Variants in RAB7A observed in about 807,000 individuals in gnomAD.
The protein encoded by RAB7A is RAB7A, member RAS oncogene family.
Under a neutral mutation model 24.5 loss-of-function variants are expected in RAB7A, and 2 were observed. The ratio of observed to expected loss-of-function variants is 0.08; its 90% CI spans 0.03 to 0.26. The LOEUF is 0.26. RAB7A is among the 10% of genes least tolerant of loss of function. The probability of loss-of-function intolerance (pLI) is 1.00; values close to 1 mark genes in which losing one functional copy is unlikely to be tolerated. For missense variants in RAB7A, 118 were observed against 255.7 expected (o/e 0.46, Z 3.67); for synonymous variants, 100 against 95.9 (o/e 1.04, Z -0.25).
intron 5 of RAB7A, among the ~76,000 whole-genome samples, chr3:128,812,570 C>T (rs1231289068): frequency 6.6e-6 from 1 of 152,218 alleles, no homozygotes; most frequent in Non-Finnish European, 1.5e-5. Flanking sequence ...CACAAGTGCT[C>T]AGTGTTTAAG....
intron 1 of RAB7A, among the ~76,000 whole-genome samples, chr3:128,786,132 T>A (rs1933335348): frequency 6.6e-6 from 1 of 152,220 alleles, no homozygotes; most frequent in South Asian, 2.1e-4. Flanking sequence ...ATCTGTTAAA[T>A]GGGAATTCTC....
intron 1 of RAB7A, among the ~76,000 whole-genome samples, chr3:128,732,053 C>G (rs1178945883): frequency 7.2e-6 from 1 of 138,888 alleles, no homozygotes; most frequent in Non-Finnish European, 1.6e-5. Flanking sequence ...TTTTTTTTCT[C>G]TCTCTGAGAC....
At chr3:128,806,782 C>G (rs1023245334) in intron 4 of RAB7A, among the ~76,000 whole-genome samples, 192 bp downstream of exon 4, 1 of 152,234 alleles carries the variant, frequency 6.6e-6, no homozygotes, top group African/African-American at 2.4e-5. Context: ...AGTCCCCATC[C>G]TGCCCCCAGC....
At chr3:128,776,986 A>ACC (rs1461824190) in intron 1 of RAB7A, among the ~76,000 whole-genome samples, 49 of 132,214 alleles carry the variant, frequency 3.7e-4, no homozygotes, top group African/African-American at 1.1e-3. Context: ...ACACACACAC[A>ACC]CCCCTATTAG....
Position 128,765,028 on chromosome 3 carries a change from A to G in RAB7A, c.-8-30332A>G, listed in dbSNP as rs1317252054. On this transcript the variant is annotated intron_variant, in intron 1 of 5. Coordinates refer to ENST00000265062, the MANE Select transcript of RAB7A (RefSeq NM_004637.6). ...GGACGCAGTTGTCATGGCAGCAACT[A>G]AGGAGAGGTGGCGGCGGTGGCTGCG... 4.7e-6 allele frequency: 7 copies of G among 1,474,058 alleles called. No homozygotes were observed. The East Asian group carries it at 1.4e-4, about 29-fold the overall frequency. The allele number at this position is 1,474,058 out of a possible 1,614,324, so 91.3% of individuals were successfully genotyped here.
At chr3:128,762,076 A>T (rs1159397589) in intron 1 of RAB7A, among the ~76,000 whole-genome samples, 1 of 152,204 alleles carries the variant, frequency 6.6e-6, no homozygotes, top group Non-Finnish European at 1.5e-5. Flanking sequence ...TGAAATATAC[A>T]CTTAAAAATG....
chr3:128,778,316 G>A (rs1346668629), intron 1 of RAB7A, among the ~76,000 whole-genome samples: 1 of 151,944 alleles, frequency 6.6e-6, no homozygotes, highest in Non-Finnish European at 1.5e-5. Context: ...TTTCATTATT[G>A]TACCTCTCTT....
At chr3:128,733,173 C>T (rs1004001426) in intron 1 of RAB7A, among the ~76,000 whole-genome samples, 3 of 152,136 alleles carry the variant, frequency 2.0e-5, no homozygotes, top group Admixed American at 6.5e-5. Context: ...TTTATAAACC[C>T]AGAGGCCCTC....
At chr3:128,773,451 G>A (rs1241269714) in intron 1 of RAB7A, among the ~76,000 whole-genome samples, 3 of 144,352 alleles carry the variant, frequency 2.1e-5, no homozygotes, top group Non-Finnish European at 4.8e-5. Flanking sequence ...CCGGCCAGCC[G>A]CCCCGTCCGG....
At chr3:128,756,038 T>C (rs1428094692) in intron 1 of RAB7A, among the ~76,000 whole-genome samples, 2 of 152,224 alleles carry the variant, frequency 1.3e-5, no homozygotes, top group African/African-American at 4.8e-5. Context: ...AAGTTCTGTT[T>C]CTATAACATT....
intron 1 of RAB7A, among the ~76,000 whole-genome samples, chr3:128,734,747 T>C (rs2070474407): frequency 6.6e-6 from 1 of 152,222 alleles, no homozygotes; most frequent in Non-Finnish European, 1.5e-5. Flanking sequence ...ATATTCTGAC[T>C]GACCCTTCAG....
At chr3:128,769,427 T>C (rs1294547478) in intron 1 of RAB7A, among the ~76,000 whole-genome samples, 3 of 152,244 alleles carry the variant, frequency 2.0e-5, no homozygotes, top group Non-Finnish European at 4.4e-5. Context: ...TTTCACCTGC[T>C]TATTCTTTGG....
intron 5 of RAB7A, among the ~76,000 whole-genome samples, chr3:128,807,954 G>C (rs1275009525): frequency 2.6e-5 from 4 of 152,176 alleles, no homozygotes; most frequent in Non-Finnish European, 5.9e-5. Context: ...AGGAGATCAG[G>C]TCACTGGGAG....
At chr3:128,743,948 C>A (rs1159589486) in intron 1 of RAB7A, among the ~76,000 whole-genome samples, 1 of 151,926 alleles carries the variant, frequency 6.6e-6, no homozygotes, top group African/African-American at 2.4e-5. Context: ...ACCACCACAC[C>A]CAGCTAACTT....
chr3:128,733,583 C>T (rs1188488824), intron 1 of RAB7A, among the ~76,000 whole-genome samples: 1 of 152,152 alleles, frequency 6.6e-6, no homozygotes, highest in Non-Finnish European at 1.5e-5. Flanking sequence ...TTAGTTTCTT[C>T]TGAAGCCTCT....
At chr3:128,771,093 CTGAG>C (rs1360304019) in intron 1 of RAB7A, among the ~76,000 whole-genome samples, 1 of 152,070 alleles carries the variant, frequency 6.6e-6, no homozygotes, top group Non-Finnish European at 1.5e-5. Flanking sequence ...CCTCAGCCTC[CTGAG>C]TAACTGGCAC....
chr3:128,742,257 A>G (rs1009001041), intron 1 of RAB7A, among the ~76,000 whole-genome samples: 1 of 152,020 alleles, frequency 6.6e-6, no homozygotes, highest in East Asian at 1.9e-4. Flanking sequence ...TGGCTTCAGG[A>G]GTGAAGCTGC....
At chr3:128,809,916 A>C (rs1933884271) in intron 5 of RAB7A, among the ~76,000 whole-genome samples, 1 of 122,846 alleles carries the variant, frequency 8.1e-6, no homozygotes, top group African/African-American at 3.1e-5. Context: ...CTGATGAGGC[A>C]AGTTTCCTCT....
At chr3:128,737,834 T>G (rs2070507269) in intron 1 of RAB7A, among the ~76,000 whole-genome samples, 1 of 74,260 alleles carries the variant, frequency 1.3e-5, no homozygotes, top group African/African-American at 5.5e-5. Context: ...AGTTTTTTTT[T>G]TTTTTTTTTT....
Sources: gnomAD v4.1 joint callset for allele counts (sites outside exome capture counted in the v4.1 genomes callset) on GRCh38, gnomAD v4.1.1 for gene constraint, MANE v1.5 for transcripts, NCBI Gene and HGNC (gene_info 2026-07-23, HGNC 2026-07-21) for gene names.